PCYT1A: variants seen among roughly 807,000 people sequenced by gnomAD.
PCYT1A encodes phosphate cytidylyltransferase 1A, choline.
In PCYT1A, 25 loss-of-function variants were observed where a neutral mutation model predicts 43.7. The observed-to-expected ratio is 0.57, with a 90% confidence interval of 0.42 to 0.80. The LOEUF (loss-of-function observed/expected upper bound fraction) is 0.80, where lower values mean the gene tolerates loss of function less well. PCYT1A is among the 30% of genes least tolerant of loss of function. The pLI is 0.00. For synonymous variants in PCYT1A, 172 were observed against 170.7 expected (o/e 1.01, Z -0.06); for missense variants, 421 against 474.2 (o/e 0.89, Z 1.04).
chr3:196,279,169 TC>T (rs1372443829), intron 1 of PCYT1A, among the ~76,000 whole-genome samples: 1 of 150,164 alleles, frequency 6.7e-6, no homozygotes, highest in Non-Finnish European at 1.5e-5. Context: ...GTGCCTGTAA[TC>T]CCAGCTACCC....
chr3:196,248,160 A>G (rs780858667), intron 4 of PCYT1A, 47 bp downstream of exon 4: 1 of 1,014,298 alleles, frequency 9.9e-7, no homozygotes, highest in Admixed American at 1.7e-5. Context: ...AGACTGTACT[A>G]TCATCTTTTT....
At position 196,238,910 on chromosome 3, in the gene PCYT1A, G is replaced by C. The variant is rs1724266795; in HGVS notation, c.898-16C>G. 2 of 1,385,816 alleles carry C rather than the reference G, an allele frequency of 1.4e-6. No individual in the cohort carries two copies. Among genetic ancestry groups the C allele is most frequent in the Admixed American group, 3.6e-5 (1 of 27,732 alleles). 85.8% of individuals were successfully genotyped at this position (1,385,816 alleles called of 1,614,324 possible). A position where few individuals can be genotyped will look rare whatever the true frequency, so the allele number is the denominator to read the frequency against. ...GCATATGTTTCTGCAGAAACCGAAA[G>C]GAAGAGTCAGAAAAACACCGTGGAT... On this transcript the variant is annotated splice_polypyrimidine_tract_variant and intron_variant, in intron 8 of 8. Coordinates refer to ENST00000431016, the MANE Select transcript of PCYT1A (RefSeq NM_001312673.2).
chr3:196,253,941 T>C (rs1560168098), intron 3 of PCYT1A, among the ~76,000 whole-genome samples: 1 of 149,646 alleles, frequency 6.7e-6, no homozygotes, highest in East Asian at 1.9e-4. Context: ...CTGTTTCTAT[T>C]ATATAATGTA....
intron 3 of PCYT1A, among the ~76,000 whole-genome samples, chr3:196,249,516 A>C (rs1724681708): frequency 6.6e-6 from 1 of 152,174 alleles, no homozygotes; most frequent in South Asian, 2.1e-4. Context: ...CAGGCACAAC[A>C]AATAACAGAG....
intron 1 of PCYT1A, among the ~76,000 whole-genome samples, chr3:196,286,408 T>G (rs987512457): frequency 1.3e-5 from 2 of 152,204 alleles, no homozygotes; most frequent in Non-Finnish European, 2.9e-5. Context: ...AATCATTACA[T>G]TTTAGAACCA....
chr3:196,270,930 G>C (rs982546629), intron 1 of PCYT1A, among the ~76,000 whole-genome samples: 2 of 152,212 alleles, frequency 1.3e-5, no homozygotes, highest in Non-Finnish European at 2.9e-5. Context: ...ACAGGTATAA[G>C]GCAATGTGAA....
chr3:196,249,930 A>C (rs1724695723), intron 3 of PCYT1A, among the ~76,000 whole-genome samples: 2 of 151,736 alleles, frequency 1.3e-5, no homozygotes, highest in African/African-American at 4.8e-5. Flanking sequence ...CAGATACACT[A>C]TACTGAGGCT....
Position 196,268,074 on chromosome 3 carries a change from T to C in PCYT1A, c.117+2341A>G, listed in dbSNP as rs1725327075. On this transcript the variant is annotated intron_variant, in intron 2 of 8. Coordinates refer to ENST00000431016, the MANE Select transcript of PCYT1A (RefSeq NM_001312673.2). The surrounding 1 kb of genome is among the most constrained non-coding windows in gnomAD (Gnocchi z 4.4). ...AGCAAGTCACTGAACTGATTTCACA[T>C]GAATATATGAAGCAAAGTAATTTAA... Among the ~76,000 whole-genome samples the C allele has an allele frequency of 6.6e-6, 1 of 151,392 alleles. No homozygotes were observed. The highest frequency in any genetic ancestry group is 2.1e-4 in the South Asian group (1 of 4,806).
chr3:196,242,223 G>T lies in PCYT1A; in HGVS notation c.566-133C>A. ...GAATCTGTTATTACTAAATGAAACTGAAAGATACTGATATACAGAAGGTAG... is the reference window on the plus strand; with the variant it reads ...GAATCTGTTATTACTAAATGAAACTTAAAGATACTGATATACAGAAGGTAG... On this transcript the variant is annotated intron_variant, in intron 6 of 8. Transcript: ENST00000431016. This position sits in a 1 kb window ranked among gnomAD's most constrained non-coding sequence, Gnocchi z 4.2. 1.1e-6 allele frequency: 1 copy of T among 878,300 alleles called. No individual in the cohort carries two copies. Among genetic ancestry groups the T allele is most frequent in the Non-Finnish European group, 1.8e-6 (1 of 553,958 alleles). 54.4% of individuals were successfully genotyped at this position (878,300 alleles called of 1,614,324 possible).
At chr3:196,244,375 G>C (rs866393824) in intron 5 of PCYT1A, among the ~76,000 whole-genome samples, 1 of 150,626 alleles carries the variant, frequency 6.6e-6, no homozygotes, top group African/African-American at 2.4e-5. Flanking sequence ...GTCTCTGCCC[G>C]GCCGCCCATC....
intron 1 of PCYT1A, among the ~76,000 whole-genome samples, chr3:196,278,592 T>C (rs776507532): frequency 6.6e-6 from 1 of 152,060 alleles, no homozygotes; most frequent in African/African-American, 2.4e-5. Flanking sequence ...TATTTGGAGA[T>C]AGAATAGAGA....
chr3:196,275,934 A>T (rs546444355), intron 1 of PCYT1A, among the ~76,000 whole-genome samples: 1 of 151,662 alleles, frequency 6.6e-6, no homozygotes, highest in Non-Finnish European at 1.5e-5. Context: ...TGTCTCTACT[A>T]AAAATACAAA....
chr3:196,282,404 C>T lies in PCYT1A; in HGVS notation c.-11+5211G>A, dbSNP rs888680801. Among the ~76,000 whole-genome samples, 8 of 152,132 alleles carry T rather than the reference C, an allele frequency of 5.3e-5. No individual in the cohort carries two copies. Among genetic ancestry groups the T allele is most frequent in the African/African-American group, 1.9e-4 (8 of 41,432 alleles). ...TCTTCCTAGAGTGGGTTATGGAACT[C>T]ATATCTCTGAGGCAGGGTCTATGAT... On this transcript the variant is annotated intron_variant, in intron 1 of 8. Coordinates refer to ENST00000431016, the MANE Select transcript of PCYT1A (RefSeq NM_001312673.2). This position sits in a 1 kb window ranked among gnomAD's most constrained non-coding sequence, Gnocchi z 4.3.
rs145310774 is a variant in PCYT1A, at chr3:196,247,797, C to T, written c.335-279G>A. 3.0e-4 allele frequency: 175 copies of T among 590,134 alleles called. 1 individual carries two copies. Among genetic ancestry groups the T allele is most frequent in the African/African-American group, 2.3e-3 (127 of 54,786 alleles). 36.6% of individuals were successfully genotyped at this position (590,134 alleles called of 1,614,324 possible). A position where few individuals can be genotyped will look rare whatever the true frequency, so the allele number is the denominator to read the frequency against. Reference sequence around the variant, plus strand: ...TTGACTCTGAAATAAACCTGCTGTGCGTGTCTGCATCAATTAAGTCCTTAA... The same window carrying T: ...TTGACTCTGAAATAAACCTGCTGTGTGTGTCTGCATCAATTAAGTCCTTAA... On this transcript the variant is annotated intron_variant, in intron 4 of 8. Coordinates refer to ENST00000431016, the MANE Select transcript of PCYT1A (RefSeq NM_001312673.2). This position sits in a 1 kb window ranked among gnomAD's most constrained non-coding sequence, Gnocchi z 4.8.
At chr3:196,260,632 G>A (rs948025766) in intron 2 of PCYT1A, among the ~76,000 whole-genome samples, 1 of 152,042 alleles carries the variant, frequency 6.6e-6, no homozygotes, top group Non-Finnish European at 1.5e-5. Flanking sequence ...CACCTAGGTC[G>A]GGAGTTCGAG....
Position 196,247,245 on chromosome 3 carries a change from C to G in PCYT1A, c.486+122G>C. On this transcript the variant is annotated intron_variant, in intron 5 of 8. Coordinates refer to ENST00000431016, the MANE Select transcript of PCYT1A (RefSeq NM_001312673.2). This position sits in a 1 kb window ranked among gnomAD's most constrained non-coding sequence, Gnocchi z 4.8. ...CTAGTAATATCACTGTCATCTCCTACGAAACTTACATAAGAGGTAGAAGTA... is the reference window on the plus strand; with the variant it reads ...CTAGTAATATCACTGTCATCTCCTAGGAAACTTACATAAGAGGTAGAAGTA... 2 of 996,230 alleles carry G rather than the reference C, an allele frequency of 2.0e-6. No individual in the cohort carries two copies. The highest frequency in any genetic ancestry group is 1.6e-5 in the African/African-American group (1 of 62,760). 61.7% of individuals were successfully genotyped at this position (996,230 alleles called of 1,614,324 possible).
At chr3:196,266,305 T>C (rs1725272834) in intron 2 of PCYT1A, among the ~76,000 whole-genome samples, 1 of 151,098 alleles carries the variant, frequency 6.6e-6, no homozygotes, top group Admixed American at 6.6e-5. Flanking sequence ...ACCCCGTCTC[T>C]ACTAAAAAAT....
chr3:196,278,485 C>T (rs1175339608), intron 1 of PCYT1A, among the ~76,000 whole-genome samples: 3 of 152,114 alleles, frequency 2.0e-5, no homozygotes, highest in Admixed American at 6.6e-5. Context: ...GAAATGATCG[C>T]GCCTCCTCAG....
chr3:196,246,427 G>T (rs1229311428), intron 5 of PCYT1A, among the ~76,000 whole-genome samples: 1 of 151,880 alleles, frequency 6.6e-6, no homozygotes, highest in Non-Finnish European at 1.5e-5. Context: ...GTAGAGACAG[G>T]GTCTCGGTAT....
Sources: gnomAD v4.1 joint callset for allele counts (sites outside exome capture counted in the v4.1 genomes callset) on GRCh38, gnomAD v4.1.1 for gene constraint, Gnocchi (gnomAD v3.1) non-coding constraint, MANE v1.5 for transcripts, NCBI Gene and HGNC (gene_info 2026-07-23, HGNC 2026-07-21) for gene names.